Variants in RPGRIP1 observed in about 807,000 individuals in gnomAD.
RPGRIP1 encodes the protein RPGR interacting protein 1, also known as X-linked retinitis pigmentosa GTPase regulator-interacting protein 1.
RPGRIP1 carries 128 observed loss-of-function variants against 157.9 expected under a neutral mutation model. That is an observed-to-expected ratio of 0.81 (90% CI 0.70 to 0.94). The LOEUF is 0.94. Among genes scored for constraint, RPGRIP1 ranks in the 40% least tolerant of loss-of-function variants. RPGRIP1 has a pLI of 0.00. For synonymous variants in RPGRIP1, 554 were observed against 571.6 expected, an observed-to-expected ratio of 0.97 and a Z score of 0.44; for missense variants, 1,486 against 1,545.8, an observed-to-expected ratio of 0.96 and a Z score of 0.65.
rs28570022 is a variant in RPGRIP1 at position 21,349,766 on chromosome 14, G to T, written c.3749-1338G>T. 7.2e-3 allele frequency among the ~76,000 whole-genome samples: 1,095 copies of T among 152,208 alleles called. 16 individuals are homozygous for T. Among genetic ancestry groups the T allele is most frequent in the East Asian group, 0.053 (277 of 5,178 alleles). On this transcript the variant is annotated intron_variant, in intron 24 of 24. Transcript: ENST00000400017. ...TTCTACCCCATTTCCATCTACTATA[G>T]TAAATACATAATACATTTGATCACT...
chr14:21,342,746 A>G (rs1885147861), intron 21 of RPGRIP1, among the ~76,000 whole-genome samples: 1 of 151,780 alleles, frequency 6.6e-6, no homozygotes, highest in Non-Finnish European at 1.5e-5. Flanking sequence ...TATTCTTTCT[A>G]TATGTGGAGA....
At chr14:21,335,746 G>A (rs1884291600) in intron 21 of RPGRIP1, among the ~76,000 whole-genome samples, 1 of 151,924 alleles carries the variant, frequency 6.6e-6, no homozygotes, top group African/African-American at 2.4e-5. Context: ...CAGGAGAATG[G>A]CGTGAACCCA....
At chr14:21,350,647 A>C (rs1042252550) in intron 24 of RPGRIP1, among the ~76,000 whole-genome samples, 1 of 152,158 alleles carries the variant, frequency 6.6e-6, no homozygotes, top group African/African-American at 2.4e-5. Flanking sequence ...AGCAGTCTCT[A>C]TCTTACTGAG....
chr14:21,288,212 G>A (rs1037205082), intron 2 of RPGRIP1, among the ~76,000 whole-genome samples, 151 bp downstream of exon 2: 3 of 135,654 alleles, frequency 2.2e-5, no homozygotes, highest in East Asian at 4.2e-4. Context: ...ATGGAGTCTC[G>A]CTCTGTCACC....
chr14:21,297,562 A>G (rs2139150330), intron 3 of RPGRIP1, among the ~76,000 whole-genome samples: 1 of 152,296 alleles, frequency 6.6e-6, no homozygotes, highest in Non-Finnish European at 1.5e-5. Flanking sequence ...TCTAGGACAC[A>G]TTTTGAAGAT....
At chr14:21,295,139 C>T (rs557889188) in intron 3 of RPGRIP1, among the ~76,000 whole-genome samples, 120 of 151,982 alleles carry the variant, frequency 7.9e-4, no homozygotes, top group African/African-American at 2.8e-3. Context: ...CCACTCTGCC[C>T]GGCCCAAAAA....
At chr14:21,332,964 T>C (rs1356799285) in intron 20 of RPGRIP1, among the ~76,000 whole-genome samples, 1 of 151,752 alleles carries the variant, frequency 6.6e-6, no homozygotes. Context: ...ATTAGCCAGG[T>C]GTGGTGGTGG....
At chr14:21,317,274 C>G (rs1881871127) in intron 10 of RPGRIP1, among the ~76,000 whole-genome samples, 1 of 152,134 alleles carries the variant, frequency 6.6e-6, no homozygotes, top group African/African-American at 2.4e-5. Context: ...TAATCTAGGT[C>G]AAAGACAAAT....
Position 21,334,651 on chromosome 14 carries a change from TACC to T in RPGRIP1, c.3286_3288del (p.Thr1096del). The T allele has an allele frequency of 6.2e-7, 1 of 1,609,528 alleles. No individual in the cohort carries two copies. The highest frequency in any genetic ancestry group is 1.3e-5 in the African/African-American group (1 of 74,250). On this transcript the variant is annotated inframe_deletion, in exon 21 of 25. Transcript: ENST00000400017. Reference sequence around the variant, plus strand: ...GTTCTGAAGTCAGTGAAGCACAAACTACCGACAGTGATGATGTCATAGTGCCAC... The same window carrying T: ...GTTCTGAAGTCAGTGAAGCACAAACTGACAGTGATGATGTCATAGTGCCAC...
intron 11 of RPGRIP1, among the ~76,000 whole-genome samples, chr14:21,319,319 T>C (rs1189041885): frequency 6.6e-6 from 1 of 152,104 alleles, no homozygotes; most frequent in East Asian, 1.9e-4. Flanking sequence ...CCCAGCACAT[T>C]GGGAGGCCGA....
At position 21,311,892 on chromosome 14, in the gene RPGRIP1, G is replaced by A. The variant is rs763158422; in HGVS notation, c.999G>A (p.Leu333=). The A allele has an allele frequency of 6.2e-7, 1 of 1,612,638 alleles. No homozygotes were observed. Among genetic ancestry groups the A allele is most frequent in the Admixed American group, 1.7e-5 (1 of 59,806 alleles). The change falls in exon 9 of 25, where the codon CTG becomes CTA. Residue 333 remains leucine, a synonymous_variant. Coordinates refer to ENST00000400017, the MANE Select transcript of RPGRIP1 (RefSeq NM_020366.4). ...LKQVNELRAE[L]KEESKKAVSL... ...AAGTGAATGAGCTCAGGGCAGAGCT[G>A]AAGGAAGAAAGCAAGAAGGCTGTGA...
At chr14:21,312,069 G>C (rs1167270772) in intron 9 of RPGRIP1, 99 bp downstream of exon 9, 21 of 1,136,406 alleles carry the variant, frequency 1.8e-5, no homozygotes, top group Non-Finnish European at 2.7e-5. Context: ...TTTTTCAAAT[G>C]ACAAAAACGA....
Position 21,348,382 on chromosome 14 carries a change from A to G in RPGRIP1, c.3748+80A>G. On this transcript the variant is annotated intron_variant, in intron 24 of 24. Coordinates refer to ENST00000400017, the MANE Select transcript of RPGRIP1 (RefSeq NM_020366.4). ...GAATATATTTTATCTTCAATACATA[A>G]TTATTACTATGAAGTTGATAAGACA... The G allele has an allele frequency of 6.5e-6, 7 of 1,078,088 alleles. 1 individual carries two copies. In the South Asian group the frequency reaches 9.9e-5, roughly 15 times the overall value. The allele number at this position is 1,078,088 out of a possible 1,614,324, so 66.8% of individuals were successfully genotyped here.
chr14:21,311,234 G>A (rs1402404974), intron 8 of RPGRIP1, among the ~76,000 whole-genome samples: 1 of 152,158 alleles, frequency 6.6e-6, no homozygotes, highest in Non-Finnish European at 1.5e-5. Context: ...TTAAAGCTAG[G>A]GATTAATTTG....
chr14:21,325,420 C>T, intron 16 of RPGRIP1, 37 bp downstream of exon 16: 2 of 1,547,626 alleles, frequency 1.3e-6, no homozygotes, highest in Non-Finnish European at 1.7e-6. Context: ...CTCAGAGGAG[C>T]CTCAGCCAAA....
intron 3 of RPGRIP1, among the ~76,000 whole-genome samples, chr14:21,299,983 G>C (rs571532010): frequency 6.6e-6 from 1 of 152,280 alleles, no homozygotes; most frequent in East Asian, 1.9e-4. Context: ...CCCCACCCTT[G>C]TGAACTCATT....
At chr14:21,347,410 T>G (rs890118771) in intron 23 of RPGRIP1, among the ~76,000 whole-genome samples, 1 of 152,222 alleles carries the variant, frequency 6.6e-6, no homozygotes, top group Non-Finnish European at 1.5e-5. Context: ...GAGTCAGCAT[T>G]ATCACTTCGC....
rs530820262 is a variant in RPGRIP1 at position 21,328,909 on chromosome 14, C to T, written c.3099+282C>T. Among the ~76,000 whole-genome samples, 536 of 152,028 alleles carry T rather than the reference C, an allele frequency of 3.5e-3. 1 individual carries two copies. The highest frequency in any genetic ancestry group is 6.5e-3 in the Non-Finnish European group (442 of 67,974). Reference sequence around the variant, plus strand: ...CTGTAATCCCAACACTTTGGGAGGCCGAGGTGGGTGGATCACCTGAGGTCA... The same window carrying T: ...CTGTAATCCCAACACTTTGGGAGGCTGAGGTGGGTGGATCACCTGAGGTCA... On this transcript the variant is annotated intron_variant, in intron 19 of 24. Coordinates refer to ENST00000400017, the MANE Select transcript of RPGRIP1 (RefSeq NM_020366.4).
chr14:21,293,650 G>A (rs917239329), intron 2 of RPGRIP1, among the ~76,000 whole-genome samples: 1 of 152,052 alleles, frequency 6.6e-6, no homozygotes, highest in Non-Finnish European at 1.5e-5. Flanking sequence ...AGGCCGAAGC[G>A]GGTGGATCAC....
Sources: allele counts gnomAD v4.1 joint callset (sites outside exome capture counted in the v4.1 genomes callset), GRCh38; gene constraint gnomAD v4.1.1; transcripts MANE v1.5; gene names NCBI Gene and HGNC (gene_info 2026-07-23, HGNC 2026-07-21).